The following CEP164 variants were observed in gnomAD, a reference collection of about 807,000 sequenced individuals.
CEP164 encodes the protein centrosomal protein of 164 kDa.
In CEP164, 162 loss-of-function variants were observed where a neutral mutation model predicts 182.7. The ratio of observed to expected loss-of-function variants is 0.89; its 90% confidence interval spans 0.78 to 1.01. The LOEUF (loss-of-function observed/expected upper bound fraction) is 1.01. Among genes scored for constraint, CEP164 ranks in the 50% least tolerant of loss-of-function variants. The pLI is 0.00. For synonymous variants in CEP164, 661 were observed against 690.0 expected, an observed-to-expected ratio of 0.96 and a Z score of 0.66; for missense variants, 1,735 against 1,790.4, an observed-to-expected ratio of 0.97 and a Z score of 0.56.
In CEP164 at chr11:117,361,858, A is replaced by C. The variant is rs1160282623; in HGVS notation, c.417A>C (p.Pro139=). The change falls in exon 6 of 33, where the codon CCA becomes CCC. Residue 139 remains proline (P), a synonymous_variant. Coordinates refer to ENST00000278935, the MANE Select transcript of CEP164 (RefSeq NM_014956.5). ...SSLALGSSLA[P]VHVPLGGLAP... ...AGGCCTTGGGTTCCTCATTAGCCCC[A>C]GTTCATGTTCCTCTTGGGGGCCTGG... is the stretch of plus-strand genomic sequence containing the variant. The C allele has an allele frequency of 6.2e-6, 10 of 1,614,084 alleles. No individual in the cohort carries two copies. Among genetic ancestry groups the C allele is most frequent in the Non-Finnish European group, 7.6e-6 (9 of 1,180,052 alleles).
At chr11:117,334,784 CAAAAAAA>C (rs5795074) in intron 1 of CEP164, among the ~76,000 whole-genome samples, 8 of 102,982 alleles carry the variant, frequency 7.8e-5, no homozygotes, top group South Asian at 6.9e-4. Context: ...GACTTCGTTT[CAAAAAAA>C]AAAAAAAAAA....
intron 27 of CEP164, among the ~76,000 whole-genome samples, chr11:117,398,245 G>T (rs2045720423): frequency 6.6e-6 from 1 of 152,258 alleles, no homozygotes. Flanking sequence ...GATGCAAGAG[G>T]TAGGTTCTCA....
intron 15 of CEP164, 151 bp downstream of exon 15, chr11:117,387,563 T>G: frequency 1.4e-6 from 1 of 698,508 alleles, no homozygotes; most frequent in Non-Finnish European, 2.4e-6. Context: ...TTTCTGCTTA[T>G]ATCTCATTGG....
chr11:117,407,847 CA>C (rs1192683954), intron 27 of CEP164, 77 bp from the exon 28 acceptor site: 2 of 990,618 alleles, frequency 2.0e-6, no homozygotes, highest in African/African-American at 3.3e-5. Flanking sequence ...CAAGATCACC[CA>C]GTCAGCAAAT....
chr11:117,327,743 C>T (rs1385657985), upstream of CEP164: 1 of 152,274 alleles, frequency 6.6e-6, no homozygotes, highest in Non-Finnish European at 1.5e-5. Context: ...CCTGCGTGCA[C>T]CGAAGGGACT....
intron 25 of CEP164, 105 bp downstream of exon 25, chr11:117,396,285 G>C (rs2045451844): frequency 3.8e-6 from 5 of 1,313,872 alleles, no homozygotes; most frequent in Non-Finnish European, 5.4e-6. Context: ...AGCTCATCAG[G>C]AGGGGTGGAG....
intron 5 of CEP164, among the ~76,000 whole-genome samples, chr11:117,353,579 C>A (rs1160915095): frequency 1.3e-5 from 2 of 152,100 alleles, no homozygotes; most frequent in Non-Finnish European, 2.9e-5. Context: ...ATTCTTAGAG[C>A]CCTCTGTTAA....
At position 117,381,842 on chromosome 11, in the gene CEP164, C is replaced by A; in HGVS notation, c.1551C>A (p.Ser517Arg). 1 of 1,524,340 alleles carries A rather than the reference C, an allele frequency of 6.6e-7. No individual in the cohort carries two copies. Among genetic ancestry groups the A allele is most frequent in the Non-Finnish European group, 8.8e-7 (1 of 1,134,876 alleles). The allele number at this position is 1,524,340 out of a possible 1,614,324, so 94.4% of individuals were successfully genotyped here. A position where few individuals can be genotyped will look rare whatever the true frequency, so the allele number is the denominator to read the frequency against. The change falls in exon 13 of 33, where the codon AGC (serine) becomes AGA (arginine). Residue 517 changes from serine to arginine, a missense_variant. Physicochemically the swap from Ser to Arg is moderately radical, Grantham distance 110 (BLOSUM62 -1). Coordinates refer to ENST00000278935, the MANE Select transcript of CEP164 (RefSeq NM_014956.5). ...AEELGEDSAASLSLQLSLQRE... is the reference protein window; with the variant it reads ...AEELGEDSAARLSLQLSLQRE... ...AGCTTGGGGAGGACTCTGCAGCCAG[C>A]CTCAGCCTGCAGCTGTCCCTCCAGA... is the stretch of plus-strand genomic sequence containing the variant.
chr11:117,412,054 C>A lies in CEP164; in HGVS notation c.4287-18C>A. On this transcript the variant is annotated intron_variant, in intron 32 of 32. Coordinates refer to ENST00000278935, the MANE Select transcript of CEP164 (RefSeq NM_014956.5). ...GGCTATGCCCAGCGACTGCAGTTTT[C>A]CTTCACCTTGTGGCCAGACCTCTCT... 1 of 1,613,870 alleles carries A rather than the reference C, an allele frequency of 6.2e-7. No homozygotes were observed. The highest frequency in any genetic ancestry group is 1.1e-5 in the South Asian group (1 of 91,028).
At chr11:117,383,077 T>A in intron 14 of CEP164, 135 bp downstream of exon 14, 1 of 1,000,196 alleles carries the variant, frequency 1.0e-6, no homozygotes, top group East Asian at 2.6e-5. Flanking sequence ...ATTAAGCATA[T>A]CCTTGGTGCT....
At chr11:117,324,599 G>T (rs1468350750), upstream of CEP164, among the ~76,000 whole-genome samples, 2 of 152,204 alleles carry the variant, frequency 1.3e-5, no homozygotes, top group Non-Finnish European at 2.9e-5. Flanking sequence ...GTTGATTTGT[G>T]TGAAGGTAAT....
At chr11:117,339,515 GTTTTTTGTTTTTTT>G (rs1372236441) in intron 3 of CEP164, among the ~76,000 whole-genome samples, 3 of 90,870 alleles carry the variant, frequency 3.3e-5, no homozygotes, top group African/African-American at 1.3e-4. Flanking sequence ...CTTTTCCTTT[GTTTTTTGTTTTTTT>G]TTTTTTTTTT....
intron 10 of CEP164, among the ~76,000 whole-genome samples, chr11:117,375,330 T>C (rs1304511891): frequency 1.3e-5 from 2 of 152,180 alleles, no homozygotes; most frequent in African/African-American, 4.8e-5. Flanking sequence ...CTGGGCGAGT[T>C]ATATGTGCTC....
At chr11:117,338,027 C>G (rs575480867) in intron 2 of CEP164, among the ~76,000 whole-genome samples, 1 of 151,974 alleles carries the variant, frequency 6.6e-6, no homozygotes, top group Admixed American at 6.6e-5. Context: ...ATTTTTTGCC[C>G]TTATCTTAGC....
rs74537980 is a variant in CEP164 at position 117,409,132 on chromosome 11, C to T, written c.3748+104C>T. ...TTCCCTCAGCCCTGCAGAGGGAGGCCTCTGTGAGCCGGTGTCTGGACTAGG... is the reference window on the plus strand; with the variant it reads ...TTCCCTCAGCCCTGCAGAGGGAGGCTTCTGTGAGCCGGTGTCTGGACTAGG... On this transcript the variant is annotated intron_variant, in intron 29 of 32. Coordinates refer to ENST00000278935, the MANE Select transcript of CEP164 (RefSeq NM_014956.5). The surrounding 1 kb of genome is among the most constrained non-coding windows in gnomAD (Gnocchi z 4.4). 6.0e-3 allele frequency: 8,671 copies of T among 1,442,912 alleles called. 29 individuals are homozygous for T. Among genetic ancestry groups the T allele is most frequent in the Non-Finnish European group, 7.2e-3 (7,654 of 1,059,574 alleles). The allele number at this position is 1,442,912 out of a possible 1,614,324, so 89.4% of individuals were successfully genotyped here. A position where few individuals can be genotyped will look rare whatever the true frequency, so the allele number is the denominator to read the frequency against.
intron 1 of CEP164, among the ~76,000 whole-genome samples, chr11:117,334,505 G>A (rs1033051367): frequency 1.3e-5 from 2 of 152,068 alleles, no homozygotes; most frequent in African/African-American, 4.8e-5. Flanking sequence ...TAAATATATC[G>A]CCAGGTGCGG....
chr11:117,325,349 T>G (rs2035390411), upstream of CEP164, among the ~76,000 whole-genome samples: 1 of 152,108 alleles, frequency 6.6e-6, no homozygotes, highest in Non-Finnish European at 1.5e-5. Flanking sequence ...CCTCCCGAAG[T>G]GCTGGGATTA....
At chr11:117,399,326 T>C (rs2045884450) in intron 27 of CEP164, among the ~76,000 whole-genome samples, 3 of 152,256 alleles carry the variant, frequency 2.0e-5, no homozygotes, top group Non-Finnish European at 4.4e-5. Flanking sequence ...TCCTTTTTTA[T>C]GGCTGCATAG....
At chr11:117,383,651 C>T (rs1017288661) in intron 14 of CEP164, among the ~76,000 whole-genome samples, 1 of 152,278 alleles carries the variant, frequency 6.6e-6, no homozygotes, top group African/African-American at 2.4e-5. Context: ...TTACCCTTCC[C>T]CTTCCTACTC....
Sources: allele counts gnomAD v4.1 joint callset (sites outside exome capture counted in the v4.1 genomes callset), GRCh38; gene constraint gnomAD v4.1.1; non-coding constraint Gnocchi (gnomAD v3.1); transcripts MANE v1.5; gene names NCBI Gene and HGNC (gene_info 2026-07-23, HGNC 2026-07-21).